The following LRP1 variants were observed in gnomAD, a reference collection of about 807,000 sequenced individuals.
LRP1 encodes LDL receptor related protein 1.
A neutral mutation model predicts 541.5 loss-of-function variants in LRP1; 51 were observed. The ratio of observed to expected loss-of-function variants is 0.09; its 90% CI spans 0.08 to 0.12. The LOEUF is 0.12. LRP1 is among the 10% of genes least tolerant of loss of function. LRP1 has a pLI of 1.00. For synonymous variants in LRP1, 2,219 were observed against 2,470.8 expected, an observed-to-expected ratio of 0.90 and a Z score of 3.02; for missense variants, 3,878 against 6,376.2, an observed-to-expected ratio of 0.61 and a Z score of 13.34.
intron 20 of LRP1, among the ~76,000 whole-genome samples, chr12:57,172,770 T>C (rs2035971742): frequency 6.6e-6 from 1 of 152,134 alleles, no homozygotes; most frequent in South Asian, 2.1e-4. Context: ...CTAAGCTCCA[T>C]GAGGGTAGGG....
chr12:57,190,764 C>A (rs975653689), intron 42 of LRP1, 41 bp from the exon 43 acceptor site: 1 of 1,587,184 alleles, frequency 6.3e-7, no homozygotes, highest in Non-Finnish European at 8.6e-7. Context: ...GTTGTGGATT[C>A]TCAGGCTTTG....
At position 57,202,543 on chromosome 12, in the gene LRP1, T is replaced by TG; in HGVS notation, c.10711+6_10711+7insG. On this transcript the variant is annotated splice_region_variant and intron_variant, in intron 68 of 88. Transcript: ENST00000243077. ...CTCCGATGAAGAGAGCTGCAGTACG[T>TG]CCCCACCCACCCAGCCCCGCATGAG... 9 of 1,523,614 alleles carry TG rather than the reference T, an allele frequency of 5.9e-6. No homozygotes were observed. The highest frequency in any genetic ancestry group is 8.0e-6 in the Non-Finnish European group (9 of 1,124,790). 94.4% of individuals were successfully genotyped at this position (1,523,614 alleles called of 1,614,324 possible).
chr12:57,141,427 A>T lies in LRP1; in HGVS notation c.244A>T (p.Thr82Ser). The T allele has an allele frequency of 6.2e-7, 1 of 1,614,130 alleles. No homozygotes were observed. Among genetic ancestry groups the T allele is most frequent in the East Asian group, 2.2e-5 (1 of 44,882 alleles). Residue 82 changes from threonine to serine, a missense_variant, in exon 3 of 89, where the codon ACT (threonine) becomes TCT (serine). By Grantham distance (58) the Thr-to-Ser change is moderately conservative. Transcript: ENST00000243077. The stretch of plus-strand genomic sequence containing the variant: ...GCCAAACGAGCATAACTGCCTGGGT[A>T]CTGAGCTGTGTGTTCCCATGTCCCG... ...CQPNEHNCLG[T>S]ELCVPMSRLC... is the part of the protein sequence containing the mutation.
rs893954646 is a variant in LRP1 at position 57,200,543 on chromosome 12, C to T, written c.10108+8C>T. ...ACGAGCCCCCGGACTGCCGTGAGTG[C>T]CTGCTGGGGGTGACAGGAGGGCCCC... On this transcript the variant is annotated splice_region_variant and intron_variant, in intron 63 of 88. Coordinates refer to ENST00000243077, the MANE Select transcript of LRP1 (RefSeq NM_002332.3). 5 of 1,611,312 alleles carry T rather than the reference C, an allele frequency of 3.1e-6. No homozygotes were observed. The highest frequency in any genetic ancestry group is 1.3e-5 in the African/African-American group (1 of 74,764).
chr12:57,200,404 A>ACCCC, intron 62 of LRP1, 38 bp from the exon 63 acceptor site: 2 of 1,028,586 alleles, frequency 1.9e-6, no homozygotes, highest in Non-Finnish European at 3.1e-6. Flanking sequence ...AGTCCCCCAG[A>ACCCC]CCCCCACCAA....
rs768293127 is a variant in LRP1, at chr12:57,173,326, G to A, written c.3322G>A (p.Val1108Ile). ...EGVTHVCDPS[V>I]KFGCKDSARC... ...AGTGACCCACGTCTGCGATCCCAGT[G>A]TCAAGTTTGGCTGCAAGGACTCAGG... Residue 1108 changes from valine to isoleucine, a missense_variant, in exon 21 of 89, where the codon GTC becomes ATC. Physicochemically the swap from Val to Ile is conservative, Grantham distance 29. This residue lies in a region of LRP1 where 320 missense variants were observed against 547.9 expected (regional missense o/e 0.58). Coordinates refer to ENST00000243077, the MANE Select transcript of LRP1 (RefSeq NM_002332.3). This position sits in a 1 kb window ranked among gnomAD's most constrained non-coding sequence, Gnocchi z 4.7. The A allele has an allele frequency of 6.2e-7, 1 of 1,613,696 alleles. No individual in the cohort carries two copies. The highest frequency in any genetic ancestry group is 1.7e-5 in the Admixed American group (1 of 60,010).
chr12:57,198,778 G>C, intron 60 of LRP1, 108 bp downstream of exon 60: 1 of 1,090,248 alleles, frequency 9.2e-7, no homozygotes, highest in Non-Finnish European at 1.3e-6. Flanking sequence ...AAAAAGCGGA[G>C]GATATGGCCT....
intron 49 of LRP1, 26 bp from the exon 50 acceptor site, chr12:57,194,551 G>C: frequency 6.2e-7 from 1 of 1,612,502 alleles, no homozygotes; most frequent in Non-Finnish European, 8.5e-7. Context: ...GGTGAGCAGG[G>C]CCCTCACACC....
chr12:57,194,248 C>A, intron 48 of LRP1, 106 bp from the exon 49 acceptor site: 1 of 1,300,748 alleles, frequency 7.7e-7, no homozygotes, highest in Non-Finnish European at 1.0e-6. Flanking sequence ...AGAAGGGCAC[C>A]GTTCAACTTT....
intron 55 of LRP1, among the ~76,000 whole-genome samples, 167 bp from the exon 56 acceptor site, chr12:57,196,815 A>G (rs536179890): frequency 2.0e-5 from 3 of 152,300 alleles, no homozygotes; most frequent in East Asian, 3.9e-4. Flanking sequence ...ACTCGGGGGC[A>G]CACAGAAGGA....
At position 57,179,195 on chromosome 12, in the gene LRP1, C is replaced by A; in HGVS notation, c.4739-134C>A. 1 of 1,171,976 alleles carries A rather than the reference C, an allele frequency of 8.5e-7. No homozygotes were observed. Among genetic ancestry groups the A allele is most frequent in the Non-Finnish European group, 1.2e-6 (1 of 826,328 alleles). The allele number at this position is 1,171,976 out of a possible 1,614,324, so 72.6% of individuals were successfully genotyped here. On this transcript the variant is annotated intron_variant, in intron 28 of 88. Transcript: ENST00000243077. The surrounding 1 kb of genome is among the most constrained non-coding windows in gnomAD (Gnocchi z 6.8). ...CTGCAGGTCTGCCAGGGGGGCTGCA[C>A]CCAGCGGGGTATGTCCACGGAGCCA...
At chr12:57,210,576 C>CGCCTCCA (rs2136756807) in intron 82 of LRP1, 96 bp downstream of exon 82, 1 of 1,428,406 alleles carries the variant, frequency 7.0e-7, no homozygotes, top group South Asian at 1.4e-5. Context: ...GCCCCTGCCT[C>CGCCTCCA]GCCTCCAGCC....
Position 57,204,265 on chromosome 12 carries a change from A to C in LRP1, c.10952-145A>C. The C allele has an allele frequency of 1.0e-6, 1 of 982,812 alleles. No homozygotes were observed. The highest frequency in any genetic ancestry group is 2.9e-5 in the Admixed American group (1 of 34,414). The allele number at this position is 982,812 out of a possible 1,614,324, so 60.9% of individuals were successfully genotyped here. ...CAGAGGGGGCAGTTTGGCCCCACCA[A>C]GTAGAAATTTAAGAGACCTGGTTCC... On this transcript the variant is annotated intron_variant, in intron 70 of 88. Transcript: ENST00000243077. This position sits in a 1 kb window ranked among gnomAD's most constrained non-coding sequence, Gnocchi z 5.3.
Position 57,198,293 on chromosome 12 carries a change from C to T in LRP1, c.9420C>T (p.Val3140=). The change falls in exon 59 of 89, where the codon GTC becomes GTT. Residue 3140 remains valine, a synonymous_variant. Coordinates refer to ENST00000243077, the MANE Select transcript of LRP1 (RefSeq NM_002332.3). ...KLNGAYRTVL[V]SSGLREPRAL... ...ATGGGGCCTATCGGACGGTGCTGGT[C>T]AGCTCTGGCCTCCGTGAGCCCAGGG... 1 of 1,613,932 alleles carries T rather than the reference C, an allele frequency of 6.2e-7. No individual in the cohort carries two copies. The highest frequency in any genetic ancestry group is 1.1e-5 in the South Asian group (1 of 91,042).
Position 57,169,267 on chromosome 12 carries a change from A to C in LRP1, c.3123A>C (p.Gly1041=). The C allele has an allele frequency of 6.2e-7, 1 of 1,613,600 alleles. No individual in the cohort carries two copies. Among genetic ancestry groups the C allele is most frequent in the African/African-American group, 1.3e-5 (1 of 75,042 alleles). The change falls in exon 20 of 89, where the codon GGA becomes GGC. Residue 1041 remains glycine, a synonymous_variant. Transcript: ENST00000243077. ...CCTGCGATGGGGACAATGACTGCGG[A>C]GACTACAGTGATGAGACACACGCCA... The part of the protein sequence containing the change: ...HWTCDGDNDC[G]DYSDETHANC...
Position 57,193,265 on chromosome 12 carries a change from C to T in LRP1, c.7645C>T (p.His2549Tyr), listed in dbSNP as rs1296539357. ...NFSLTCDGVPHCKDKSDEKPS... is the reference protein window; with the variant it reads ...NFSLTCDGVPYCKDKSDEKPS... ...CAGCCTGACCTGCGACGGCGTCCCCCACTGCAAGGACAAGTCCGATGAGAA... is the reference window on the plus strand; with the variant it reads ...CAGCCTGACCTGCGACGGCGTCCCCTACTGCAAGGACAAGTCCGATGAGAA... The change falls in exon 46 of 89, where the codon CAC (histidine) becomes TAC (tyrosine). Residue 2549 changes from histidine to tyrosine, a missense_variant. Coordinates refer to ENST00000243077, the MANE Select transcript of LRP1 (RefSeq NM_002332.3). 6.2e-7 allele frequency: 1 copy of T among 1,613,866 alleles called. No homozygotes were observed. The highest frequency in any genetic ancestry group is 8.5e-7 in the Non-Finnish European group (1 of 1,180,016).
chr12:57,202,595 G>A (rs181669608), intron 68 of LRP1, 58 bp downstream of exon 68: 46 of 1,358,574 alleles, frequency 3.4e-5, no homozygotes, highest in African/African-American at 2.9e-4. Context: ...CCCTTGTCTC[G>A]CGGCCCTCCT....
intron 2 of LRP1, among the ~76,000 whole-genome samples, chr12:57,140,813 A>G (rs1386015646): frequency 6.6e-6 from 1 of 152,138 alleles, no homozygotes; most frequent in African/African-American, 2.4e-5. Flanking sequence ...GCTCACTGCA[A>G]CTTCTGCCTC....
At chr12:57,159,686 C>G in intron 11 of LRP1, 139 bp from the exon 12 acceptor site, 1 of 705,616 alleles carries the variant, frequency 1.4e-6, no homozygotes, top group Non-Finnish European at 2.4e-6. Context: ...CCCCACCCAT[C>G]TGTCTAGGGC....
Sources: allele counts gnomAD v4.1 joint callset (sites outside exome capture counted in the v4.1 genomes callset), GRCh38; gene constraint gnomAD v4.1.1; regional missense constraint gnomAD v4.1.1; non-coding constraint Gnocchi (gnomAD v3.1); transcripts MANE v1.5; gene names NCBI Gene and HGNC (gene_info 2026-07-23, HGNC 2026-07-21).